TICRR: variants seen among roughly 807,000 people sequenced by gnomAD.
TICRR encodes the protein treslin.
Under a neutral mutation model 178.1 loss-of-function variants are expected in TICRR, and 132 were observed. That is an observed-to-expected ratio of 0.74 (90% CI 0.64 to 0.86). TICRR has a LOEUF of 0.86. TICRR is among the 40% of genes least tolerant of loss of function. The probability of loss-of-function intolerance (pLI) is 0.00; values close to 1 mark genes in which losing one functional copy is unlikely to be tolerated. For missense variants in TICRR, 2,587 were observed against 2,334.3 expected (o/e 1.11, Z -2.23); for synonymous variants, 991 against 900.7 (o/e 1.10, Z -1.79).
chr15:89,578,288 A>G (rs1314554724), intron 1 of TICRR, among the ~76,000 whole-genome samples: 1 of 152,244 alleles, frequency 6.6e-6, no homozygotes, highest in Non-Finnish European at 1.5e-5. Flanking sequence ...ATGAGCAAGC[A>G]TTTAAATAAT....
At chr15:89,581,859 G>A (rs1194764761) in intron 1 of TICRR, among the ~76,000 whole-genome samples, 1 of 152,142 alleles carries the variant, frequency 6.6e-6, no homozygotes, top group Non-Finnish European at 1.5e-5. Context: ...GACTTTACAG[G>A]CTATGGTAAC....
rs760263553 is a variant in TICRR at position 89,575,772 on chromosome 15, G to A, written c.186G>A (p.Val62=). The change falls in exon 1 of 22, where the codon GTG becomes GTA. Residue 62 remains valine (V), a synonymous_variant. Transcript: ENST00000268138. ...SQGARSRPSR[V]SDFRELGSRS... ...GGGCGCGGAGCCGGCCGTCCCGCGT[G>A]TCTGACTTCCGCGAGCTGGGGTCCC... 6.2e-6 allele frequency: 10 copies of A among 1,609,302 alleles called. No individual in the cohort carries two copies. The highest frequency in any genetic ancestry group is 7.6e-6 in the Non-Finnish European group (9 of 1,178,754).
intron 17 of TICRR, among the ~76,000 whole-genome samples, chr15:89,618,845 G>A (rs1379446875): frequency 2.6e-5 from 4 of 152,244 alleles, no homozygotes; most frequent in Non-Finnish European, 5.9e-5. Context: ...TATGGTCCCA[G>A]CTACTCGGGA....
In TICRR at chr15:89,575,778, C is replaced by T; in HGVS notation, c.192C>T (p.Asp64=). Residue 64 remains aspartate (D), a synonymous_variant, in exon 1 of 22, where the codon GAC becomes GAT. Coordinates refer to ENST00000268138, the MANE Select transcript of TICRR (RefSeq NM_152259.4). The part of the protein sequence containing the change: ...GARSRPSRVS[D]FRELGSRSWE... Reference sequence around the variant, plus strand: ...GGAGCCGGCCGTCCCGCGTGTCTGACTTCCGCGAGCTGGGGTCCCGCTCGT... The same window carrying T: ...GGAGCCGGCCGTCCCGCGTGTCTGATTTCCGCGAGCTGGGGTCCCGCTCGT... 2 of 1,608,662 alleles carry T rather than the reference C, an allele frequency of 1.2e-6. No homozygotes were observed. The highest frequency in any genetic ancestry group is 1.7e-6 in the Non-Finnish European group (2 of 1,178,538).
chr15:89,619,258 C>T (rs8037748), intron 17 of TICRR, among the ~76,000 whole-genome samples: 71,823 of 135,196 alleles, frequency 0.53, 19,129 homozygotes, highest in Non-Finnish European at 0.58. Flanking sequence ...CAGACTCTTG[C>T]TCTGTCGCCC....
intron 7 of TICRR, 51 bp downstream of exon 7, chr15:89,595,662 A>G: frequency 7.3e-7 from 1 of 1,372,260 alleles, no homozygotes. Flanking sequence ...TTTTTTAAAA[A>G]TAAAATTTAA....
chr15:89,578,897 A>G (rs1962672107), intron 1 of TICRR, among the ~76,000 whole-genome samples: 1 of 152,140 alleles, frequency 6.6e-6, no homozygotes, highest in Non-Finnish European at 1.5e-5. Context: ...GGCAAAAGGA[A>G]GGTTTGGGCT....
In TICRR at chr15:89,625,780, G is replaced by T. The variant is rs756983582; in HGVS notation, c.5470G>T (p.Val1824Phe). 1.3e-6 allele frequency: 2 copies of T among 1,595,992 alleles called. No homozygotes were observed. The highest frequency in any genetic ancestry group is 2.2e-5 in the East Asian group (1 of 44,562). ...LPSTGDEEVF[V>F]SGSTPPPSCA... ...CTCCACGGGAGACGAAGAGGTGTTT[G>T]TTTCCGGTGAGTTCGTTTTTGAAAC... The change falls in exon 20 of 22, where the codon GTT (valine) becomes TTT (phenylalanine). Residue 1824 changes from valine to phenylalanine, a missense_variant. Val to Phe is a conservative substitution (Grantham distance 50). Transcript: ENST00000268138.
chr15:89,626,066 T>C lies in TICRR; in HGVS notation c.5602+5T>C, dbSNP rs1243381582. The C allele has an allele frequency of 3.7e-6, 6 of 1,613,368 alleles. No individual in the cohort carries two copies. The highest frequency in any genetic ancestry group is 4.2e-6 in the Non-Finnish European group (5 of 1,179,788). On this transcript the variant is annotated splice_donor_5th_base_variant and intron_variant, in intron 21 of 21. Coordinates refer to ENST00000268138, the MANE Select transcript of TICRR (RefSeq NM_152259.4). The stretch of plus-strand genomic sequence containing the variant: ...CTCAGAGCAAAGACCCCAGAGGTAA[T>C]GTTTGTTGAAGGTCTAGGACCCTTT...
At chr15:89,621,621 A>G (rs1203505434) in intron 19 of TICRR, 71 bp downstream of exon 19, 1 of 1,341,328 alleles carries the variant, frequency 7.5e-7, no homozygotes, top group Non-Finnish European at 1.0e-6. Flanking sequence ...AGGAACTCAG[A>G]GTCCATTAGG....
intron 15 of TICRR, among the ~76,000 whole-genome samples, chr15:89,610,051 C>A (rs1157371861): frequency 6.6e-6 from 1 of 152,114 alleles, no homozygotes; most frequent in Non-Finnish European, 1.5e-5. Flanking sequence ...TTCCTAAATT[C>A]TCTTCTCTGC....
rs962817879 is a variant in TICRR at position 89,627,779 on chromosome 15, C to T, written c.*693C>T. ...CCATCACCTGGCTCATCGTTTCCAC[C>T]AAGAGTGCCCCACAGGAGTGCCCCA... On this transcript the variant is annotated 3_prime_UTR_variant, in exon 22 of 22. Transcript: ENST00000268138. The T allele has an allele frequency of 6.5e-6, 1 of 152,672 alleles. No homozygotes were observed. Among genetic ancestry groups the T allele is most frequent in the African/African-American group, 2.4e-5 (1 of 41,438 alleles). The allele number at this position is 152,672 out of a possible 1,614,324, so 9.5% of individuals were successfully genotyped here. A position where few individuals can be genotyped will look rare whatever the true frequency, so the allele number is the denominator to read the frequency against.
rs143182076 is a variant in TICRR, at chr15:89,625,295, C to G, written c.4985C>G (p.Thr1662Arg). 6 of 1,613,968 alleles carry G rather than the reference C, an allele frequency of 3.7e-6. No individual in the cohort carries two copies. Among genetic ancestry groups the G allele is most frequent in the Non-Finnish European group, 5.1e-6 (6 of 1,179,984 alleles). ...TCTAGTACCCCCTCTCCATTTCAAA[C>G]AGATGGGGTTCCTTGGACACCATCC... ...GPSSTPSPFQ[T>R]DGVPWTPSPK... The change falls in exon 20 of 22, where the codon ACA (threonine) becomes AGA (arginine). Residue 1662 changes from threonine to arginine, a missense_variant. Coordinates refer to ENST00000268138, the MANE Select transcript of TICRR (RefSeq NM_152259.4).
At position 89,627,146 on chromosome 15, in the gene TICRR, G is replaced by C. The variant is rs1963546582; in HGVS notation, c.*60G>C. 3 of 1,598,372 alleles carry C rather than the reference G, an allele frequency of 1.9e-6. No individual in the cohort carries two copies. The highest frequency in any genetic ancestry group is 1.7e-5 in the Admixed American group (1 of 58,882). Reference sequence around the variant, plus strand: ...TCAGCCAGGACCCTGTGGACATAAAGAAGTTGGATGCCTGGTCCCAAGCCT... The same window carrying C: ...TCAGCCAGGACCCTGTGGACATAAACAAGTTGGATGCCTGGTCCCAAGCCT... On this transcript the variant is annotated 3_prime_UTR_variant, in exon 22 of 22. Transcript: ENST00000268138.
chr15:89,579,066 A>G (rs1441103897), intron 1 of TICRR, among the ~76,000 whole-genome samples: 5 of 152,218 alleles, frequency 3.3e-5, no homozygotes, highest in Admixed American at 1.3e-4. Context: ...AAAACAGGAT[A>G]TCATATTTGC....
chr15:89,587,634 G>A (rs532888619), intron 4 of TICRR, among the ~76,000 whole-genome samples: 1 of 152,242 alleles, frequency 6.6e-6, no homozygotes, highest in African/African-American at 2.4e-5. Context: ...ACTACTGACA[G>A]GCCAAGGAAG....
chr15:89,604,621 A>C (rs532109499), intron 13 of TICRR, among the ~76,000 whole-genome samples: 65 of 152,218 alleles, frequency 4.3e-4, no homozygotes, highest in Middle Eastern at 6.8e-3. Context: ...CAAAAAATTT[A>C]AAAATTAGGT....
rs768962286 is a variant in TICRR, at chr15:89,592,189, TA to T, written c.1541+14del. 1.6e-5 allele frequency: 26 copies of T among 1,609,546 alleles called. No individual in the cohort carries two copies. Among genetic ancestry groups the T allele is most frequent in the Middle Eastern group, 1.6e-4 (1 of 6,064 alleles). On this transcript the variant is annotated intron_variant, in intron 5 of 21. Transcript: ENST00000268138. ...TGGAGTCATTTGGGTAAAACGTTTT[TA>T]TATCTCTTGAATATTGATTATTAAA...
chr15:89,613,932 A>G (rs886439697), intron 15 of TICRR, among the ~76,000 whole-genome samples: 5 of 152,056 alleles, frequency 3.3e-5, no homozygotes, highest in African/African-American at 9.7e-5. Context: ...AGGCGGGTGG[A>G]TCACGAGGTC....
Sources: allele counts gnomAD v4.1 joint callset (sites outside exome capture counted in the v4.1 genomes callset), GRCh38; gene constraint gnomAD v4.1.1; transcripts MANE v1.5; gene names NCBI Gene and HGNC (gene_info 2026-07-23, HGNC 2026-07-21).